HACD1: variants seen among roughly 807,000 people sequenced by gnomAD.
HACD1 encodes the protein 3-hydroxyacyl-CoA dehydratase 1.
In HACD1, 41 loss-of-function variants were observed where a neutral mutation model predicts 32.0. The ratio of observed to expected loss-of-function variants is 1.28; its 90% CI spans 1.00 to 1.66. HACD1 has a LOEUF of 1.66. Among genes scored for constraint, HACD1 ranks in the 40% most tolerant of loss-of-function variants. HACD1 has a pLI of 0.00. For synonymous variants in HACD1, 142 were observed against 139.0 expected, an observed-to-expected ratio of 1.02 and a Z score of -0.15; for missense variants, 396 against 380.1, an observed-to-expected ratio of 1.04 and a Z score of -0.35.
intron 1 of HACD1, among the ~76,000 whole-genome samples, chr10:17,616,756 G>C (rs1833090854): frequency 6.6e-6 from 1 of 152,078 alleles, no homozygotes; most frequent in African/African-American, 2.4e-5. Flanking sequence ...CCAGGGCTGG[G>C]CGCTCCTTCA....
chr10:17,611,033 C>T (rs1834227741), intron 1 of HACD1, among the ~76,000 whole-genome samples: 1 of 139,952 alleles, frequency 7.1e-6, no homozygotes, highest in Admixed American at 7.5e-5. Context: ...GACAGTCTCG[C>T]TCTGTTGCCC....
Position 17,594,343 on chromosome 10 carries a change from C to CTGTA in HACD1, c.645_646insTACA (p.Gly216TyrfsTer3). ...GCAGCGTATATTGTAAGAAGTTCAC[C>CTGTA]AGCAACTCCAACAGGATATAAGATG... On this transcript the variant is annotated frameshift_variant, in exon 6 of 7. Transcript: ENST00000361271. LOFTEE classifies it high-confidence loss of function. The CTGTA allele has an allele frequency of 6.4e-7, 1 of 1,568,320 alleles. No homozygotes were observed. Among genetic ancestry groups the CTGTA allele is most frequent in the Non-Finnish European group, 8.6e-7 (1 of 1,157,802 alleles).
intron 1 of HACD1, among the ~76,000 whole-genome samples, chr10:17,607,111 C>G (rs1009176911): frequency 6.6e-6 from 1 of 152,056 alleles, no homozygotes; most frequent in Non-Finnish European, 1.5e-5. Context: ...AGTCTATGCT[C>G]AAATATTTTA....
At chr10:17,592,637 A>G (rs1230231759) in intron 6 of HACD1, among the ~76,000 whole-genome samples, 1 of 152,082 alleles carries the variant, frequency 6.6e-6, no homozygotes, top group African/African-American at 2.4e-5. Flanking sequence ...GATGCCTCAA[A>G]AGCCATGAGG....
intron 4 of HACD1, among the ~76,000 whole-genome samples, chr10:17,602,218 C>T (rs1040017846): frequency 1.6e-4 from 25 of 152,138 alleles, no homozygotes; most frequent in Middle Eastern, 3.4e-3. Context: ...GGCAGGCGCC[C>T]GCCACCACAT....
chr10:17,613,935 T>C (rs1188509097), intron 1 of HACD1, among the ~76,000 whole-genome samples: 2 of 152,130 alleles, frequency 1.3e-5, no homozygotes, highest in African/African-American at 4.8e-5. Flanking sequence ...GCAAGTTGAC[T>C]GGAAAGGGGA....
In HACD1 at chr10:17,614,328, T is replaced by C. The variant is rs144082950; in HGVS notation, c.257+2755A>G. Among the ~76,000 whole-genome samples the C allele has an allele frequency of 2.4e-3, 359 of 152,342 alleles. 1 individual carries two copies. The highest frequency in any genetic ancestry group is 6.2e-3 in the African/African-American group (259 of 41,564). On this transcript the variant is annotated intron_variant, in intron 1 of 6. Coordinates refer to ENST00000361271, the MANE Select transcript of HACD1 (RefSeq NM_014241.4). ...AGACAGAGTGCAGACTGGAGTGCAG[T>C]GGCACGATCTCTCAGCCTCCTGGGT...
intron 1 of HACD1, among the ~76,000 whole-genome samples, chr10:17,604,782 T>A (rs1261476426): frequency 6.6e-6 from 1 of 152,212 alleles, no homozygotes; most frequent in Non-Finnish European, 1.5e-5. Flanking sequence ...CTTGCCTCAC[T>A]GCTGCCTTGA....
chr10:17,617,304 G>A lies in HACD1; in HGVS notation c.36C>T (p.Ser12=), dbSNP rs895755933. The A allele has an allele frequency of 4.8e-6, 7 of 1,443,594 alleles. No individual in the cohort carries two copies. The African/African-American group carries it at 7.4e-5, about 15-fold the overall frequency. The allele number at this position is 1,443,594 out of a possible 1,614,324, so 89.4% of individuals were successfully genotyped here. Residue 12 remains serine (S), a synonymous_variant, in exon 1 of 7, where the codon AGC becomes AGT. Coordinates refer to ENST00000361271, the MANE Select transcript of HACD1 (RefSeq NM_014241.4). The part of the protein sequence containing the change: ...GRLTEAAAAG[S]GSRAAGWAGS... ...CTGCCCAGCCTGCAGCCCGAGAGCC[G>A]CTGCCCGCTGCCGCCGCTTCCGTCA...
At chr10:17,614,180 C>T (rs1476017683) in intron 1 of HACD1, among the ~76,000 whole-genome samples, 1 of 152,192 alleles carries the variant, frequency 6.6e-6, no homozygotes, top group Non-Finnish European at 1.5e-5. Context: ...CGGTGGCTCA[C>T]ACCTGTAATC....
intron 1 of HACD1, among the ~76,000 whole-genome samples, chr10:17,609,872 C>T (rs1333611127): frequency 1.3e-5 from 2 of 151,138 alleles, no homozygotes; most frequent in Non-Finnish European, 2.9e-5. Context: ...GAGTCCCAGC[C>T]ACACAGGAAG....
At chr10:17,613,112 GTGT>G (rs1554817693) in intron 1 of HACD1, among the ~76,000 whole-genome samples, 1 of 128,744 alleles carries the variant, frequency 7.8e-6, no homozygotes, top group Non-Finnish European at 1.6e-5. Flanking sequence ...GTGTGTGTGT[GTGT>G]GTGTGTGTGT....
intron 1 of HACD1, among the ~76,000 whole-genome samples, chr10:17,608,074 C>A (rs1000961672): frequency 6.6e-6 from 1 of 152,042 alleles, no homozygotes; most frequent in Non-Finnish European, 1.5e-5. Context: ...GAGTGGTGTG[C>A]CCATGGCTCA....
intron 4 of HACD1, 108 bp downstream of exon 4, chr10:17,603,452 T>C (rs1374011570): frequency 3.7e-5 from 39 of 1,044,420 alleles, no homozygotes; most frequent in Non-Finnish European, 5.1e-5. Flanking sequence ...AACTCCTTTT[T>C]GTCCAACACT....
intron 1 of HACD1, among the ~76,000 whole-genome samples, chr10:17,609,155 G>GTTTTTTTTTTTTTTTTTTTTTTTTTTTT (rs56347429): frequency 7.6e-6 from 1 of 132,128 alleles, no homozygotes; most frequent in African/African-American, 2.9e-5. Flanking sequence ...TGTGCAAAAG[G>GTTTTTTTTTTTTTTTTTTTTTTTTTTTT]TTTTTTTTTT....
chr10:17,597,758 C>A (rs1290976991), intron 5 of HACD1, among the ~76,000 whole-genome samples: 1 of 152,054 alleles, frequency 6.6e-6, no homozygotes, highest in Non-Finnish European at 1.5e-5. Flanking sequence ...AACTGCCAAC[C>A]TTTAAAAAGC....
chr10:17,617,164 C>A lies in HACD1; in HGVS notation c.176G>T (p.Arg59Leu). The A allele has an allele frequency of 6.6e-7, 1 of 1,505,430 alleles. No individual in the cohort carries two copies. Among genetic ancestry groups the A allele is most frequent in the South Asian group, 1.2e-5 (1 of 80,848 alleles). 93.3% of individuals were successfully genotyped at this position (1,505,430 alleles called of 1,614,324 possible). Residue 59 changes from arginine to leucine, a missense_variant, in exon 1 of 7, where the codon CGG (arginine) becomes CTG (leucine). Physicochemically the swap from Arg to Leu is moderately radical, Grantham distance 102. Transcript: ENST00000361271. ...GCGCCTCCGCTCGCCGGGAGCCTCC[C>A]GGTCCTCGCCGGCCTCCGAGGCGCC... is the stretch of plus-strand genomic sequence containing the variant. ...NGGASEAGEDREAPGERRRLG... is the reference protein window; with the variant it reads ...NGGASEAGEDLEAPGERRRLG...
chr10:17,609,712 T>C (rs1564510891), intron 1 of HACD1, among the ~76,000 whole-genome samples: 1 of 152,092 alleles, frequency 6.6e-6, no homozygotes, highest in Non-Finnish European at 1.5e-5. Flanking sequence ...GAAACCAGTT[T>C]GGCGGTTTCA....
chr10:17,614,168 C>T (rs914110469), intron 1 of HACD1, among the ~76,000 whole-genome samples: 2 of 152,084 alleles, frequency 1.3e-5, no homozygotes, highest in Non-Finnish European at 2.9e-5. Context: ...ACTGGCTGGG[C>T]ACGGTGGCTC....
Sources: gnomAD v4.1 joint callset for allele counts (sites outside exome capture counted in the v4.1 genomes callset) on GRCh38, gnomAD v4.1.1 for gene constraint, MANE v1.5 for transcripts, NCBI Gene and HGNC (gene_info 2026-07-23, HGNC 2026-07-21) for gene names.